DLC1: variants seen among roughly 807,000 people sequenced by gnomAD.
DLC1 encodes the protein DLC1 Rho GTPase activating protein, also known as rho GTPase-activating protein 7.
A neutral mutation model predicts 140.3 loss-of-function variants in DLC1; 54 were observed. The observed-to-expected ratio is 0.38, with a 90% CI of 0.31 to 0.48. The LOEUF is 0.48. Ranked by LOEUF, DLC1 falls within the 20% of genes least tolerant of loss-of-function variation. The pLI is 0.96. For synonymous variants in DLC1, 986 were observed against 728.1 expected (o/e 1.35, Z -5.70); for missense variants, 2,536 against 1,907.0 (o/e 1.33, Z -6.14).
intron 5 of DLC1, among the ~76,000 whole-genome samples, chr8:13,202,169 C>A (rs774525562): frequency 6.6e-6 from 1 of 152,044 alleles, no homozygotes; most frequent in African/African-American, 2.4e-5. Context: ...TGGTCTTGAT[C>A]TCTTGACCTC....
At chr8:13,132,025 G>A (rs925705679) in intron 5 of DLC1, among the ~76,000 whole-genome samples, 1 of 152,206 alleles carries the variant, frequency 6.6e-6, no homozygotes, top group Non-Finnish European at 1.5e-5. Flanking sequence ...GTGGGGGCAG[G>A]CTTCCAAGAA....
chr8:13,414,777 T>C (rs1410355645), intron 2 of DLC1, among the ~76,000 whole-genome samples: 9 of 152,066 alleles, frequency 5.9e-5, no homozygotes. Context: ...AAAAATATCC[T>C]TATTTGACAC....
chr8:13,580,049 G>A (rs1417905286), intron 1 of DLC1, among the ~76,000 whole-genome samples: 1 of 152,044 alleles, frequency 6.6e-6, no homozygotes, highest in Non-Finnish European at 1.5e-5. Flanking sequence ...CATGACCCAG[G>A]ATCACTTTAA....
chr8:13,229,168 G>A (rs1828933983), intron 5 of DLC1, among the ~76,000 whole-genome samples: 1 of 152,090 alleles, frequency 6.6e-6, no homozygotes, highest in Admixed American at 6.5e-5. Flanking sequence ...ACCAAAAAGA[G>A]GCAACAATCC....
chr8:13,088,557 G>C lies in DLC1; in HGVS notation c.4222C>G (p.Gln1408Glu). The C allele has an allele frequency of 1.9e-6, 3 of 1,614,174 alleles. No individual in the cohort carries two copies. Among genetic ancestry groups the C allele is most frequent in the Non-Finnish European group, 2.5e-6 (3 of 1,180,026 alleles). Residue 1408 changes from glutamine to glutamate, a missense_variant, in exon 16 of 18, where the codon CAA (glutamine) becomes GAA (glutamate). By Grantham distance (29) the Gln-to-Glu change is conservative (BLOSUM62 2). Transcript: ENST00000276297. ...DSKVIEILDS[Q>E]TEIYQYVQNS... ...TGGACATACTGGTAAATTTCAGTTT[G>C]GCTGTCCAGAATTTCGATCACTTTT...
intron 1 of DLC1, among the ~76,000 whole-genome samples, chr8:13,527,271 A>G (rs1336268210): frequency 1.3e-5 from 2 of 152,210 alleles, no homozygotes; most frequent in Non-Finnish European, 1.5e-5. Context: ...TATTCCTAGT[A>G]TGCTAAGAAT....
At chr8:13,144,596 TCTA>T (rs562222706) in intron 5 of DLC1, among the ~76,000 whole-genome samples, 11 of 151,996 alleles carry the variant, frequency 7.2e-5, no homozygotes, top group Non-Finnish European at 1.3e-4. Flanking sequence ...AAATCCCGCT[TCTA>T]CTAAAAATAC....
At chr8:13,196,182 A>G (rs1435519124) in intron 5 of DLC1, among the ~76,000 whole-genome samples, 1 of 151,978 alleles carries the variant, frequency 6.6e-6, no homozygotes, top group Non-Finnish European at 1.5e-5. Context: ...GATTAGGGGA[A>G]GGAGAATAGG....
At chr8:13,097,273 A>ATTATTATTATTTT (rs1377225334) in intron 10 of DLC1, among the ~76,000 whole-genome samples, 1 of 150,872 alleles carries the variant, frequency 6.6e-6, no homozygotes, top group African/African-American at 2.4e-5. Flanking sequence ...TATTATTATT[A>ATTATTATTATTTT]TTTTTTGAGA....
intron 1 of DLC1, among the ~76,000 whole-genome samples, chr8:13,580,208 T>A (rs917821662): frequency 1.3e-5 from 2 of 151,954 alleles, no homozygotes; most frequent in Non-Finnish European, 2.9e-5. Context: ...CTGCAGCCTC[T>A]GCCTCCCTGG....
At chr8:13,259,121 A>G (rs1830376914) in intron 5 of DLC1, among the ~76,000 whole-genome samples, 1 of 139,776 alleles carries the variant, frequency 7.2e-6, no homozygotes, top group Non-Finnish European at 1.6e-5. Flanking sequence ...TGGGCAACGC[A>G]GTGAAACTCC....
chr8:13,312,763 A>G (rs1047287564), intron 4 of DLC1, among the ~76,000 whole-genome samples: 18 of 152,102 alleles, frequency 1.2e-4, no homozygotes, highest in African/African-American at 3.6e-4. Context: ...ATTGTTCTGT[A>G]TGATGATTTG....
Position 13,401,480 on chromosome 8 carries a change from C to T in DLC1, c.1163G>A (p.Arg388Gln), listed in dbSNP as rs150701452. The T allele has an allele frequency of 5.1e-5, 83 of 1,612,070 alleles. No individual in the cohort carries two copies. The highest frequency in any genetic ancestry group is 2.7e-4 in the South Asian group (25 of 90,974). Residue 388 changes from arginine to glutamine, a missense_variant, in exon 3 of 18, where the codon CGG becomes CAG. Arg to Gln is a conservative substitution (Grantham distance 43). Transcript: ENST00000276297. ...AAGTGGAAAGCTCACAGGAACGTGC[C>T]GCCGCAGGTTTGTTGGTGTGCCTGA... ...SPSGTPTNLR[R>Q]HVPDLESGSE...
intron 4 of DLC1, among the ~76,000 whole-genome samples, chr8:13,305,519 T>C (rs1832383397): frequency 6.6e-6 from 1 of 152,192 alleles, no homozygotes; most frequent in South Asian, 2.1e-4. Flanking sequence ...CAGACTCAAA[T>C]GAATGCACAT....
intron 2 of DLC1, among the ~76,000 whole-genome samples, chr8:13,463,739 C>T (rs906165039): frequency 8.5e-5 from 13 of 152,130 alleles, no homozygotes; most frequent in African/African-American, 3.1e-4. Context: ...AAACAGGAAC[C>T]TGACTTTTTG....
At chr8:13,484,051 G>T (rs556581079) in intron 2 of DLC1, among the ~76,000 whole-genome samples, 1 of 152,284 alleles carries the variant, frequency 6.6e-6, no homozygotes, top group South Asian at 2.1e-4. Flanking sequence ...TTGCACTCCA[G>T]CCTGGGCAAC....
chr8:13,340,125 A>G (rs1007144077), intron 4 of DLC1: 1 of 152,332 alleles, frequency 6.6e-6, no homozygotes, highest in Non-Finnish European at 1.5e-5. Context: ...GGAGGCCGGA[A>G]TGAAGTCCAG....
At chr8:13,155,685 G>T (rs1322004502) in intron 5 of DLC1, among the ~76,000 whole-genome samples, 1 of 151,902 alleles carries the variant, frequency 6.6e-6, no homozygotes, top group Non-Finnish European at 1.5e-5. Flanking sequence ...TAAAAATTTT[G>T]CTAATTTAGA....
chr8:13,244,657 A>G (rs2117257420), intron 5 of DLC1, among the ~76,000 whole-genome samples: 1 of 152,184 alleles, frequency 6.6e-6, no homozygotes, highest in Admixed American at 6.5e-5. Context: ...GCACACACCA[A>G]GAGATTGCTT....
Sources: gnomAD v4.1 joint callset for allele counts (sites outside exome capture counted in the v4.1 genomes callset) on GRCh38, gnomAD v4.1.1 for gene constraint, MANE v1.5 for transcripts, NCBI Gene and HGNC (gene_info 2026-07-23, HGNC 2026-07-21) for gene names.